Variants in SPAG16 observed in about 807,000 individuals in gnomAD.
The protein encoded by SPAG16 is sperm associated antigen 16.
In SPAG16, 86 loss-of-function variants were observed where a neutral mutation model predicts 80.4. The observed-to-expected ratio is 1.07, with a 90% CI of 0.90 to 1.28. The LOEUF (loss-of-function observed/expected upper bound fraction) is 1.28. SPAG16 is among the 50% of genes most tolerant of loss of function. The pLI is 0.00. For missense variants in SPAG16, 870 were observed against 765.3 expected (o/e 1.14, Z -1.61); for synonymous variants, 294 against 265.9 (o/e 1.11, Z -1.03).
intron 10 of SPAG16, among the ~76,000 whole-genome samples, chr2:213,606,470 T>A (rs1451355170): frequency 6.6e-6 from 1 of 152,250 alleles, no homozygotes; most frequent in Non-Finnish European, 1.5e-5. Context: ...TATCTCATTG[T>A]GTTTTGATTG....
intron 10 of SPAG16, among the ~76,000 whole-genome samples, chr2:213,674,024 A>G (rs192166248): frequency 1.3e-5 from 2 of 152,148 alleles, no homozygotes; most frequent in South Asian, 2.1e-4. Flanking sequence ...GGTGCTGTTT[A>G]TAAGGCTTCA....
At chr2:214,143,279 C>G (rs1176450592) in intron 14 of SPAG16, among the ~76,000 whole-genome samples, 1 of 114,916 alleles carries the variant, frequency 8.7e-6, no homozygotes, top group Non-Finnish European at 1.7e-5. Flanking sequence ...ATGTATATAT[C>G]TGTATACAAA....
At chr2:214,059,233 T>C (rs1167120902) in intron 13 of SPAG16, among the ~76,000 whole-genome samples, 7 of 119,558 alleles carry the variant, frequency 5.9e-5, no homozygotes, top group African/African-American at 2.3e-4. Context: ...TATATATATA[T>C]ATATATATGT....
At chr2:213,844,479 T>C (rs2074513578) in intron 10 of SPAG16, among the ~76,000 whole-genome samples, 1 of 152,222 alleles carries the variant, frequency 6.6e-6, no homozygotes, top group Admixed American at 6.5e-5. Flanking sequence ...GGTCAATAAA[T>C]TAATTCATGT....
At chr2:213,416,117 A>G (rs1259295614) in intron 9 of SPAG16, among the ~76,000 whole-genome samples, 2 of 152,228 alleles carry the variant, frequency 1.3e-5, no homozygotes, top group Admixed American at 1.3e-4. Context: ...TTGCTGGCCC[A>G]TGGCTGTAAG....
At chr2:214,105,207 G>A (rs1349209260) in intron 13 of SPAG16, among the ~76,000 whole-genome samples, 1 of 152,054 alleles carries the variant, frequency 6.6e-6, no homozygotes, top group African/African-American at 2.4e-5. Flanking sequence ...AGAACAAACA[G>A]CACCCATGTC....
Position 214,316,225 on chromosome 2 carries a change from T to G in SPAG16, c.1721-93915T>G, listed in dbSNP as rs144718575. ...GTAAGTGCCTCTGTAGGTAGCCTAT[T>G]GTGCAGAGTTGCAATAAAGGAAAAC... On this transcript the variant is annotated intron_variant, in intron 15 of 15. Coordinates refer to ENST00000331683, the MANE Select transcript of SPAG16 (RefSeq NM_024532.5). Among the ~76,000 whole-genome samples, 748 of 152,210 alleles carry G rather than the reference T, an allele frequency of 4.9e-3. 8 individuals are homozygous for G. Among genetic ancestry groups the G allele is most frequent in the African/African-American group, 0.017 (707 of 41,544 alleles).
chr2:214,323,822 C>G (rs1424137761), intron 15 of SPAG16, among the ~76,000 whole-genome samples: 1 of 152,132 alleles, frequency 6.6e-6, no homozygotes, highest in Non-Finnish European at 1.5e-5. Context: ...TAGGAAAGAT[C>G]AAATATTTAT....
At chr2:213,374,044 A>G (rs1231094051) in intron 8 of SPAG16, among the ~76,000 whole-genome samples, 1 of 152,154 alleles carries the variant, frequency 6.6e-6, no homozygotes, top group African/African-American at 2.4e-5. Flanking sequence ...CGGGGAGGAC[A>G]GGCAGTTTGG....
intron 12 of SPAG16, among the ~76,000 whole-genome samples, chr2:213,995,309 C>T (rs545681321): frequency 2.0e-5 from 3 of 152,150 alleles, no homozygotes; most frequent in South Asian, 4.1e-4. Flanking sequence ...AAGTATAAGG[C>T]GGGGTGGGGC....
At chr2:213,736,745 C>T (rs1217595256) in intron 10 of SPAG16, among the ~76,000 whole-genome samples, 2 of 145,976 alleles carry the variant, frequency 1.4e-5, no homozygotes, top group East Asian at 4.0e-4. Context: ...ACTTTTGTTC[C>T]CCAAGCTGCA....
rs1309397122 is a variant in SPAG16, at chr2:214,410,315, A to C, written c.1896A>C (p.Ter632CysextTer15). The change falls in exon 16 of 16, where the codon TGA becomes TGC. Residue 632 changes from the stop codon to cysteine (C), a stop_lost. Coordinates refer to ENST00000331683, the MANE Select transcript of SPAG16 (RefSeq NM_024532.5). ...ACGGCACAGTTCGAACGTGGTCTTG[A>C]CCGTCAGCACATCCCGCTGCAGAGG... ...GSDGTVRTWS[*>C] 1.3e-6 allele frequency: 2 copies of C among 1,589,904 alleles called. No individual in the cohort carries two copies. The highest frequency in any genetic ancestry group is 1.7e-6 in the Non-Finnish European group (2 of 1,160,618).
At chr2:214,212,703 A>T (rs143984275) in intron 15 of SPAG16, among the ~76,000 whole-genome samples, 1 of 151,890 alleles carries the variant, frequency 6.6e-6, no homozygotes, top group African/African-American at 2.4e-5. Flanking sequence ...AGCTAGCTCT[A>T]CTCTTTCTAT....
intron 5 of SPAG16, among the ~76,000 whole-genome samples, chr2:213,335,640 C>G (rs1244438487): frequency 1.3e-5 from 2 of 151,978 alleles, no homozygotes; most frequent in Admixed American, 6.6e-5. Context: ...AATTGTTTAT[C>G]TAATCATTCA....
intron 10 of SPAG16, among the ~76,000 whole-genome samples, chr2:213,822,559 C>T (rs1486908928): frequency 2.6e-5 from 4 of 152,088 alleles, no homozygotes; most frequent in African/African-American, 9.7e-5. Flanking sequence ...TTTACTTTTG[C>T]TTTGATTGCC....
At chr2:213,977,115 G>C (rs1407152297) in intron 12 of SPAG16, among the ~76,000 whole-genome samples, 1 of 152,006 alleles carries the variant, frequency 6.6e-6, no homozygotes, top group Admixed American at 6.6e-5. Context: ...CAAGCAGGGG[G>C]ATATGGGAGG....
intron 10 of SPAG16, among the ~76,000 whole-genome samples, chr2:213,797,882 T>C (rs1380226327): frequency 1.3e-5 from 2 of 152,222 alleles, no homozygotes; most frequent in African/African-American, 4.8e-5. Context: ...GTTTAGCATA[T>C]GAGAAACTGG....
intron 15 of SPAG16, among the ~76,000 whole-genome samples, chr2:214,386,403 G>GAA (rs1163810929): frequency 1.3e-5 from 2 of 151,074 alleles, no homozygotes; most frequent in African/African-American, 4.9e-5. Flanking sequence ...TGTCTCAAGA[G>GAA]AAAAAAGAAA....
intron 1 of SPAG16, among the ~76,000 whole-genome samples, chr2:213,292,682 A>AAAACAAC (rs1553617114): frequency 3.0e-5 from 4 of 134,340 alleles, no homozygotes; most frequent in Non-Finnish European, 1.6e-5. Context: ...AAAACAAAAA[A>AAAACAAC]AACAAAAAAA....
Sources: allele counts gnomAD v4.1 joint callset (sites outside exome capture counted in the v4.1 genomes callset), GRCh38; gene constraint gnomAD v4.1.1; transcripts MANE v1.5; gene names NCBI Gene and HGNC (gene_info 2026-07-23, HGNC 2026-07-21).